FGF14: variants seen among roughly 807,000 people sequenced by gnomAD.
FGF14 encodes fibroblast growth factor homologous factor 4.
FGF14 carries 5 observed loss-of-function variants against 25.5 expected under a neutral mutation model. The ratio of observed to expected loss-of-function variants is 0.20; its 90% confidence interval spans 0.10 to 0.41. FGF14 has a LOEUF of 0.41. FGF14 is among the 10% of genes least tolerant of loss of function. The probability of loss-of-function intolerance (pLI) is 1.00; values close to 1 mark genes in which losing one functional copy is unlikely to be tolerated. For missense variants in FGF14, 222 were observed against 320.1 expected, an observed-to-expected ratio of 0.69 and a Z score of 2.34; for synonymous variants, 138 against 118.3, an observed-to-expected ratio of 1.17 and a Z score of -1.08.
chr13:102,357,858 C>T (rs2057461475), intron 1 of FGF14, among the ~76,000 whole-genome samples: 1 of 152,098 alleles, frequency 6.6e-6, no homozygotes, highest in African/African-American at 2.4e-5. Flanking sequence ...CACACACTAG[C>T]CCTCAAGGTC....
intron 1 of FGF14, among the ~76,000 whole-genome samples, chr13:101,976,884 A>G (rs2037961373): frequency 6.6e-6 from 1 of 152,212 alleles, no homozygotes; most frequent in African/African-American, 2.4e-5. Context: ...TTTCCTTCAG[A>G]ATTCTAAACT....
At chr13:102,265,838 T>G (rs1230904516) in intron 1 of FGF14, among the ~76,000 whole-genome samples, 1 of 152,130 alleles carries the variant, frequency 6.6e-6, no homozygotes, top group East Asian at 1.9e-4. Context: ...TTTAAATTGA[T>G]GCAAATGCTT....
At chr13:102,049,309 A>G (rs1441480616) in intron 1 of FGF14, among the ~76,000 whole-genome samples, 2 of 152,214 alleles carry the variant, frequency 1.3e-5, no homozygotes, top group Non-Finnish European at 2.9e-5. Context: ...CTTTCTAGAC[A>G]AAAATAAATC....
At chr13:101,849,835 T>C (rs185548718) in intron 3 of FGF14, among the ~76,000 whole-genome samples, 140 of 152,082 alleles carry the variant, frequency 9.2e-4, no homozygotes, top group African/African-American at 3.3e-3. Context: ...ACTCCAGCTC[T>C]CCCCCTAATT....
intron 1 of FGF14, among the ~76,000 whole-genome samples, chr13:101,889,079 A>T (rs2046137165): frequency 6.6e-6 from 1 of 152,146 alleles, no homozygotes; most frequent in South Asian, 2.1e-4. Context: ...TCTACAAGCC[A>T]AGGAGAGAGG....
intron 1 of FGF14, among the ~76,000 whole-genome samples, chr13:102,065,990 T>C (rs1366669926): frequency 1.3e-5 from 2 of 152,060 alleles, no homozygotes; most frequent in East Asian, 3.8e-4. Context: ...CCAATCCACT[T>C]TTGTGATGTA....
chr13:102,108,088 T>C (rs981245065), intron 1 of FGF14, among the ~76,000 whole-genome samples: 1 of 152,218 alleles, frequency 6.6e-6, no homozygotes, highest in Non-Finnish European at 1.5e-5. Context: ...ACTTATGAAA[T>C]AGTCATTAAA....
At chr13:101,808,651 T>C (rs2041333278) in intron 3 of FGF14, among the ~76,000 whole-genome samples, 1 of 152,088 alleles carries the variant, frequency 6.6e-6, no homozygotes, top group South Asian at 2.1e-4. Context: ...TAGCCATGAT[T>C]CTACAACACA....
chr13:101,882,142 C>T (rs1435382366), intron 1 of FGF14, among the ~76,000 whole-genome samples: 4 of 151,894 alleles, frequency 2.6e-5, no homozygotes, highest in South Asian at 2.1e-4. Context: ...TAAAACACTA[C>T]GCAGAATGAT....
Position 102,309,131 on chromosome 13 carries a change from A to AACACACACACAC in FGF14, c.208+92339_208+92340insGTGTGTGTGTGT, listed in dbSNP as rs1247982990. On this transcript the variant is annotated intron_variant, in intron 1 of 4. Transcript: ENST00000376131. ...CACCCACACAAATGCATACATGCATAACATACACACACACACACACACACA... is the reference window on the plus strand; with the variant it reads ...CACCCACACAAATGCATACATGCATAACACACACACACACATACACACACACACACACACACA... 3.0e-3 allele frequency among the ~76,000 whole-genome samples: 148 copies of AACACACACACAC among 50,162 alleles called. 1 individual carries two copies. Among genetic ancestry groups the AACACACACACAC allele is most frequent in the African/African-American group, 0.018 (130 of 7,252 alleles). The allele number at this position is 50,162 out of a possible 152,430, so 32.9% of individuals were successfully genotyped here.
chr13:102,352,321 T>C (rs1412990524), intron 1 of FGF14, among the ~76,000 whole-genome samples: 3 of 149,618 alleles, frequency 2.0e-5, no homozygotes, highest in Non-Finnish European at 4.4e-5. Context: ...TTGAAATACC[T>C]ACAGAATAGC....
At chr13:101,981,910 T>C (rs2038290806) in intron 1 of FGF14, among the ~76,000 whole-genome samples, 2 of 152,156 alleles carry the variant, frequency 1.3e-5, no homozygotes, top group Non-Finnish European at 2.9e-5. Flanking sequence ...TAGGCCAATG[T>C]AGGAGCTCAC....
At chr13:101,818,726 T>A (rs73557441) in intron 3 of FGF14, among the ~76,000 whole-genome samples, 2,183 of 152,270 alleles carry the variant, frequency 0.014, 71 homozygotes, top group African/African-American at 0.049. Context: ...TTATAAGCTT[T>A]CAGAGAGTAA....
intron 1 of FGF14, among the ~76,000 whole-genome samples, chr13:102,201,328 G>A (rs573782459): frequency 3.9e-5 from 6 of 151,958 alleles, no homozygotes; most frequent in African/African-American, 7.3e-5. Context: ...AATAACAAAG[G>A]TGCCAAGGGA....
At chr13:101,967,106 T>C (rs2037259149) in intron 1 of FGF14, among the ~76,000 whole-genome samples, 2 of 152,232 alleles carry the variant, frequency 1.3e-5, no homozygotes, top group Admixed American at 6.5e-5. Context: ...CATTAGGTTC[T>C]GTAGCACAAC....
At chr13:101,867,934 A>ACACACACACG (rs1423363736) in intron 3 of FGF14, among the ~76,000 whole-genome samples, 3 of 133,810 alleles carry the variant, frequency 2.2e-5, no homozygotes, top group East Asian at 2.9e-4. Context: ...ACACACACAC[A>ACACACACACG]CGCGCACACA....
rs1282064875 is a variant in FGF14, at chr13:102,400,002, G to A, written c.208+1469C>T. Among the ~76,000 whole-genome samples, 1 of 152,144 alleles carries A rather than the reference G, an allele frequency of 6.6e-6. No homozygotes were observed. Among genetic ancestry groups the A allele is most frequent in the African/African-American group, 2.4e-5 (1 of 41,434 alleles). ...ACTCGCAGTTTCTCCTTTGCTGCAG[G>A]AATGGTGGCCGCAAACGGTCTCAGC... On this transcript the variant is annotated intron_variant, in intron 1 of 4. Coordinates refer to the FGF14 transcript ENST00000376131. The surrounding 1 kb of genome is among the most constrained non-coding windows in gnomAD (Gnocchi z 4.3).
intron 1 of FGF14, among the ~76,000 whole-genome samples, chr13:102,069,165 T>C (rs946059139): frequency 6.6e-6 from 1 of 151,888 alleles, no homozygotes; most frequent in Admixed American, 6.6e-5. Flanking sequence ...CAGCACCCTG[T>C]GTTTAGCTCA....
intron 3 of FGF14, among the ~76,000 whole-genome samples, chr13:101,841,183 T>C (rs909737132): frequency 3.3e-5 from 5 of 151,990 alleles, no homozygotes; most frequent in African/African-American, 1.2e-4. Context: ...AATAAGGAGA[T>C]AAAAATTAAA....
Sources: gnomAD v4.1 joint callset for allele counts (sites outside exome capture counted in the v4.1 genomes callset) on GRCh38, gnomAD v4.1.1 for gene constraint, Gnocchi (gnomAD v3.1) non-coding constraint, MANE v1.5 for transcripts, NCBI Gene and HGNC (gene_info 2026-07-23, HGNC 2026-07-21) for gene names.